Variants in PFKFB1 observed in about 807,000 individuals in gnomAD.
PFKFB1 encodes the protein 6-phosphofructo-2-kinase/fructose-2,6-bisphosphatase 1.
In PFKFB1, 34 loss-of-function variants were observed where a neutral mutation model predicts 46.4. The ratio of observed to expected loss-of-function variants is 0.73; its 90% CI spans 0.56 to 0.98. The LOEUF is 0.98. Ranked by LOEUF, PFKFB1 falls within the 50% of genes least tolerant of loss-of-function variation. The pLI is 0.00. For missense variants in PFKFB1, 393 were observed against 376.3 expected, an observed-to-expected ratio of 1.04 and a Z score of -0.37; for synonymous variants, 119 against 133.8, an observed-to-expected ratio of 0.89 and a Z score of 0.76.
At chrX:54,935,688 C>A (rs1933365986) in intron 11 of PFKFB1, among the ~76,000 whole-genome samples, 1 of 111,665 alleles carries the variant, frequency 9.0e-6, no homozygotes, top group African/African-American at 3.3e-5. Flanking sequence ...AGTCACACAG[C>A]CAGGAAGCAG....
intron 10 of PFKFB1, among the ~76,000 whole-genome samples, chrX:54,944,332 C>A (rs759509383): frequency 1.3e-4 from 14 of 111,203 alleles, no homozygotes; most frequent in Admixed American, 9.6e-4. Flanking sequence ...AGAGAAAAAA[C>A]TAAGCAGAGA....
At chrX:54,933,486 TAGGA>T in intron 13 of PFKFB1, 24 bp from the exon 14 acceptor site, 2 of 1,164,531 alleles carry the variant, frequency 1.7e-6, no homozygotes, top group African/African-American at 3.5e-5. Context: ...GCAGGATTAA[TAGGA>T]AGGAGACAGC....
intron 11 of PFKFB1, among the ~76,000 whole-genome samples, chrX:54,935,462 T>C (rs1439637705): frequency 8.9e-6 from 1 of 112,680 alleles, no homozygotes; most frequent in Non-Finnish European, 1.9e-5. Flanking sequence ...CCGCTCCCTC[T>C]GATCATCCCT....
chrX:54,972,234 T>G lies in PFKFB1; in HGVS notation c.98-8852A>C, dbSNP rs1195001233. Among the ~76,000 whole-genome samples, 5 of 111,186 alleles carry G rather than the reference T, an allele frequency of 4.5e-5. No homozygotes were observed. The South Asian group carries it at 1.6e-3, about 35-fold the overall frequency. On this transcript the variant is annotated intron_variant, in intron 1 of 13. Transcript: ENST00000375006. Reference sequence around the variant, plus strand: ...AGTTGCTTATCAGCTTAAGGAGATTTTGGGATGAGACAATGGGGTTTTCTA... The same window carrying G: ...AGTTGCTTATCAGCTTAAGGAGATTGTGGGATGAGACAATGGGGTTTTCTA...
At chrX:54,955,676 C>T (rs747214468) in intron 7 of PFKFB1, among the ~76,000 whole-genome samples, 2 of 111,646 alleles carry the variant, frequency 1.8e-5, no homozygotes, top group South Asian at 7.6e-4. Flanking sequence ...AATTAGAATC[C>T]TAGCTCTACC....
chrX:54,985,403 C>T lies in PFKFB1; in HGVS notation c.97+8508G>A, dbSNP rs150683423. Among the ~76,000 whole-genome samples the T allele has an allele frequency of 2.2e-3, 246 of 111,522 alleles. 1 individual carries two copies. The highest frequency in any genetic ancestry group is 7.7e-3 in the African/African-American group (237 of 30,776). ...AGTGTAATACCCCCATGTGGGCTGA[C>T]AGCTTAATAGAGAGACTGGGAAAAA... On this transcript the variant is annotated intron_variant, in intron 1 of 13. Coordinates refer to ENST00000375006, the MANE Select transcript of PFKFB1 (RefSeq NM_002625.4).
At chrX:54,958,501 T>C (rs895249916) in intron 5 of PFKFB1, 139 bp from the exon 6 acceptor site, 1 of 446,690 alleles carries the variant, frequency 2.2e-6, no homozygotes, top group Non-Finnish European at 3.9e-6. Context: ...ACAGTGGTAC[T>C]TCCAGGCTTC....
intron 1 of PFKFB1, among the ~76,000 whole-genome samples, chrX:54,964,836 T>C (rs1934430919): frequency 9.2e-6 from 1 of 108,932 alleles, no homozygotes; most frequent in Non-Finnish European, 1.9e-5. Context: ...GGCAGGGAGG[T>C]GAAAAGTATA....
upstream of PFKFB1, chrX:54,998,287 C>T: frequency 5.4e-6 from 3 of 551,824 alleles, no homozygotes; most frequent in Non-Finnish European, 9.1e-6. Flanking sequence ...CCCCACTTTC[C>T]CATGCCCTTT....
At chrX:54,956,809 T>C (rs977217948) in intron 6 of PFKFB1, among the ~76,000 whole-genome samples, 10 of 110,580 alleles carry the variant, frequency 9.0e-5, no homozygotes, top group African/African-American at 3.3e-4. Context: ...TCTGTCTTTC[T>C]ATCATCCCTC....
In PFKFB1 at chrX:54,990,639, C is replaced by A. The variant is rs1268439208; in HGVS notation, c.97+3272G>T. ...CAGAATGAAAGGAAATAGTTCCCACCTGATTTTATGAGGTTAGTGTAATCT... is the reference window on the plus strand; with the variant it reads ...CAGAATGAAAGGAAATAGTTCCCACATGATTTTATGAGGTTAGTGTAATCT... On this transcript the variant is annotated intron_variant, in intron 1 of 13. Transcript: ENST00000375006. Among the ~76,000 whole-genome samples the A allele has an allele frequency of 5.6e-4, 63 of 111,611 alleles. 5 individuals carry two copies.
At chrX:54,962,697 TGAA>T (rs1176895973) in intron 2 of PFKFB1, among the ~76,000 whole-genome samples, 1 of 111,728 alleles carries the variant, frequency 9.0e-6, no homozygotes, top group Non-Finnish European at 1.9e-5. Context: ...ACAAAAAGAA[TGAA>T]GAAAAGGAGA....
chrX:54,987,990 G>T (rs1935148767), intron 1 of PFKFB1, among the ~76,000 whole-genome samples: 1 of 110,767 alleles, frequency 9.0e-6, no homozygotes, highest in South Asian at 3.8e-4. Context: ...TTATAGCCAA[G>T]GTAATTAGGT....
At chrX:54,962,358 T>G (rs887570917) in intron 2 of PFKFB1, among the ~76,000 whole-genome samples, 1 of 111,981 alleles carries the variant, frequency 8.9e-6, no homozygotes, top group African/African-American at 3.2e-5. Context: ...GGCATATCCC[T>G]TTGTGATTTC....
At position 54,937,956 on chromosome X, in the gene PFKFB1, AAATAAC is replaced by A. The variant is rs764838284; in HGVS notation, c.1099-238_1099-233del. 8.0e-5 allele frequency among the ~76,000 whole-genome samples: 9 copies of A among 112,250 alleles called. No homozygotes were observed. In the Admixed American group the frequency reaches 8.5e-4, roughly 11 times the overall value. On this transcript the variant is annotated intron_variant, in intron 10 of 13. Coordinates refer to ENST00000375006, the MANE Select transcript of PFKFB1 (RefSeq NM_002625.4). ...AATAAATGTATCAATACAGTGGACT[AAATAAC>A]AATAACAACAATACAACTCCCCACT...
intron 9 of PFKFB1, among the ~76,000 whole-genome samples, chrX:54,946,921 C>T (rs960417753): frequency 4.5e-5 from 5 of 111,663 alleles, no homozygotes; most frequent in Admixed American, 2.9e-4. Context: ...AAACCAGAAA[C>T]GTAAATTCTT....
intron 7 of PFKFB1, among the ~76,000 whole-genome samples, chrX:54,954,285 G>T (rs1005448435): frequency 9.0e-6 from 1 of 111,210 alleles, no homozygotes; most frequent in African/African-American, 3.3e-5. Context: ...AGGCCAAGGC[G>T]GGCAGATCAT....
chrX:54,940,927 T>C (rs921175486), intron 10 of PFKFB1, among the ~76,000 whole-genome samples: 3 of 111,636 alleles, frequency 2.7e-5, no homozygotes, highest in Non-Finnish European at 5.6e-5. Context: ...AGGGCCCGCA[T>C]CGCCAAGTCA....
chrX:54,956,088 G>T, intron 7 of PFKFB1, 65 bp downstream of exon 7: 1 of 739,124 alleles, frequency 1.4e-6, no homozygotes, highest in Non-Finnish European at 2.0e-6. Flanking sequence ...ATTTACTCTA[G>T]GTTCTACAGG....
Sources: allele counts gnomAD v4.1 joint callset (sites outside exome capture counted in the v4.1 genomes callset), GRCh38; gene constraint gnomAD v4.1.1; transcripts MANE v1.5; gene names NCBI Gene and HGNC (gene_info 2026-07-23, HGNC 2026-07-21).